The following HS6ST3 variants were observed in gnomAD, a reference collection of about 807,000 sequenced individuals.
HS6ST3 encodes the protein heparan-sulfate 6-O-sulfotransferase 3.
Under a neutral mutation model 36.7 loss-of-function variants are expected in HS6ST3, and 12 were observed. The ratio of observed to expected loss-of-function variants is 0.33; its 90% CI spans 0.21 to 0.53. The LOEUF (loss-of-function observed/expected upper bound fraction) is 0.53, where lower values mean the gene tolerates loss of function less well. HS6ST3 is among the 20% of genes least tolerant of loss of function. The probability of loss-of-function intolerance (pLI) is 0.95; values close to 1 mark genes in which losing one functional copy is unlikely to be tolerated. For synonymous variants in HS6ST3, 240 were observed against 257.5 expected (o/e 0.93, Z 0.65); for missense variants, 584 against 640.9 (o/e 0.91, Z 0.96).
intron 1 of HS6ST3, among the ~76,000 whole-genome samples, chr13:96,603,617 A>G (rs1266421692): frequency 6.6e-6 from 1 of 152,168 alleles, no homozygotes; most frequent in African/African-American, 2.4e-5. Flanking sequence ...GTGTATGTTT[A>G]GTTGCAATAG....
intron 1 of HS6ST3, among the ~76,000 whole-genome samples, chr13:96,577,217 C>G (rs1673340241): frequency 6.6e-6 from 1 of 152,172 alleles, no homozygotes; most frequent in Middle Eastern, 3.4e-3. Context: ...TGCCTGTGTC[C>G]ATGTGTTCTC....
intron 1 of HS6ST3, among the ~76,000 whole-genome samples, chr13:96,747,240 C>T (rs953012231): frequency 2.0e-4 from 30 of 152,226 alleles, no homozygotes; most frequent in African/African-American, 7.2e-4. Context: ...AGTTGCTCAT[C>T]AAATTCAGTT....
At chr13:96,104,523 G>C (rs1230107878) in intron 1 of HS6ST3, among the ~76,000 whole-genome samples, 1 of 152,192 alleles carries the variant, frequency 6.6e-6, no homozygotes, top group African/African-American at 2.4e-5. Flanking sequence ...CTAATTCCTA[G>C]AGTTAGTAAA....
intron 1 of HS6ST3, among the ~76,000 whole-genome samples, chr13:96,306,801 A>G (rs1392004536): frequency 1.3e-5 from 2 of 152,232 alleles, no homozygotes; most frequent in Non-Finnish European, 2.9e-5. Flanking sequence ...TGTATCTTCA[A>G]GAGAAAATAG....
intron 1 of HS6ST3, among the ~76,000 whole-genome samples, chr13:96,656,998 T>TGTGAGAGAGAGAGA (rs1397374817): frequency 1.0e-5 from 1 of 98,276 alleles, no homozygotes; most frequent in African/African-American, 4.3e-5. Context: ...TGTGTGTGTG[T>TGTGAGAGAGAGAGA]GAGAGAGAGA....
Position 96,712,116 on chromosome 13 carries a change from T to G in HS6ST3, c.708-120374T>G, listed in dbSNP as rs1202549413. Among the ~76,000 whole-genome samples the G allele has an allele frequency of 2.0e-5, 3 of 152,138 alleles. No individual in the cohort carries two copies. The East Asian group carries it at 5.8e-4, about 29-fold the overall frequency. ...TCAGTGATTCATAAGCCAAGTGTGG[T>G]TTGATTTCATTTCTTATCTATTGAA... On this transcript the variant is annotated intron_variant, in intron 1 of 1. Coordinates refer to ENST00000376705, the MANE Select transcript of HS6ST3 (RefSeq NM_153456.4).
chr13:96,776,584 A>G (rs1426091150), intron 1 of HS6ST3, among the ~76,000 whole-genome samples: 1 of 152,184 alleles, frequency 6.6e-6, no homozygotes, highest in Non-Finnish European at 1.5e-5. Context: ...ATAAACTACA[A>G]CATGTAGAAG....
chr13:96,334,436 C>T (rs941740768), intron 1 of HS6ST3, among the ~76,000 whole-genome samples: 2 of 152,214 alleles, frequency 1.3e-5, no homozygotes, highest in Non-Finnish European at 2.9e-5. Context: ...CCTTCAGAAC[C>T]ATGAGCCAAT....
intron 1 of HS6ST3, among the ~76,000 whole-genome samples, chr13:96,768,717 A>C (rs1374542729): frequency 1.3e-5 from 2 of 152,010 alleles, no homozygotes; most frequent in Admixed American, 6.6e-5. Flanking sequence ...TTAGCATGCA[A>C]ATGATGCCAT....
intron 1 of HS6ST3, among the ~76,000 whole-genome samples, chr13:96,177,011 TA>T: frequency 6.6e-6 from 1 of 152,112 alleles, no homozygotes; most frequent in Non-Finnish European, 1.5e-5. Flanking sequence ...CCAACTAGCA[TA>T]TGAAAAAAGC....
At chr13:96,728,490 A>C (rs1876060681) in intron 1 of HS6ST3, among the ~76,000 whole-genome samples, 1 of 152,242 alleles carries the variant, frequency 6.6e-6, no homozygotes, top group Admixed American at 6.5e-5. Context: ...GTTTTTTCTA[A>C]CATTTAATGA....
intron 1 of HS6ST3, among the ~76,000 whole-genome samples, chr13:96,566,842 T>C (rs1006186642): frequency 6.6e-6 from 1 of 152,142 alleles, no homozygotes; most frequent in East Asian, 1.9e-4. Flanking sequence ...AGTTAAAAAA[T>C]AACATTATAA....
intron 1 of HS6ST3, among the ~76,000 whole-genome samples, chr13:96,729,626 T>C (rs1319993234): frequency 2.9e-5 from 4 of 137,302 alleles, no homozygotes; most frequent in Non-Finnish European, 6.6e-5. Context: ...CCAGCTAATA[T>C]TTTTTGTATT....
intron 1 of HS6ST3, among the ~76,000 whole-genome samples, chr13:96,662,069 T>C (rs770028129): frequency 2.0e-5 from 3 of 152,198 alleles, no homozygotes; most frequent in Non-Finnish European, 2.9e-5. Context: ...GTTAACTGTA[T>C]GCCTTGGTGA....
intron 1 of HS6ST3, among the ~76,000 whole-genome samples, chr13:96,290,777 T>A (rs1424024459): frequency 6.6e-6 from 1 of 152,128 alleles, no homozygotes; most frequent in East Asian, 1.9e-4. Context: ...AAAGCTAAAG[T>A]CCTTAAAATG....
intron 1 of HS6ST3, among the ~76,000 whole-genome samples, chr13:96,589,476 A>G (rs1045524837): frequency 6.6e-6 from 1 of 152,070 alleles, no homozygotes; most frequent in African/African-American, 2.4e-5. Context: ...TCTTTTCAAA[A>G]AAACACATTT....
chr13:96,297,293 A>G lies in HS6ST3; in HGVS notation c.707+205724A>G, dbSNP rs146060170. Among the ~76,000 whole-genome samples, 110 of 152,072 alleles carry G rather than the reference A, an allele frequency of 7.2e-4. 2 individuals carry two copies. The highest frequency in any genetic ancestry group is 2.5e-3 in the African/African-American group (105 of 41,492). On this transcript the variant is annotated intron_variant, in intron 1 of 1. Transcript: ENST00000376705. ...TATCTACTAGTTTTCCACAATGACC[A>G]TTTTACTTTACTGTGCACATTGAGG... is the stretch of plus-strand genomic sequence containing the variant.
At chr13:96,742,835 T>A (rs926308820) in intron 1 of HS6ST3, among the ~76,000 whole-genome samples, 3 of 152,112 alleles carry the variant, frequency 2.0e-5, no homozygotes, top group Admixed American at 6.6e-5. Context: ...AATTGCATCC[T>A]ATCAGTTTTC....
intron 1 of HS6ST3, among the ~76,000 whole-genome samples, chr13:96,262,205 A>T (rs929761444): frequency 2.0e-5 from 3 of 152,200 alleles, no homozygotes; most frequent in Admixed American, 1.3e-4. Flanking sequence ...CTAAATAAAT[A>T]AGAGTGAGAG....
Sources: gnomAD v4.1 joint callset for allele counts (sites outside exome capture counted in the v4.1 genomes callset) on GRCh38, gnomAD v4.1.1 for gene constraint, MANE v1.5 for transcripts, NCBI Gene and HGNC (gene_info 2026-07-23, HGNC 2026-07-21) for gene names.